Variants in BYSL observed in about 807,000 individuals in gnomAD.
The protein encoded by BYSL is bystin.
In BYSL, 21 loss-of-function variants were observed where a neutral mutation model predicts 45.4. That is an observed-to-expected ratio of 0.46 (90% CI 0.33 to 0.67). The LOEUF is 0.67. Among genes scored for constraint, BYSL ranks in the 30% least tolerant of loss-of-function variants. BYSL has a pLI of 0.02. For synonymous variants in BYSL, 215 were observed against 231.3 expected, an observed-to-expected ratio of 0.93 and a Z score of 0.64; for missense variants, 522 against 578.5, an observed-to-expected ratio of 0.90 and a Z score of 1.00.
intron 2 of BYSL, among the ~76,000 whole-genome samples, chr6:41,927,981 A>G (rs1182854378): frequency 6.6e-6 from 1 of 152,098 alleles, no homozygotes; most frequent in Admixed American, 6.6e-5. Flanking sequence ...TGTCCTGTGC[A>G]GTGTAGGAGG....
chr6:41,916,570 A>T (rs923215846), upstream of BYSL, among the ~76,000 whole-genome samples: 2 of 152,150 alleles, frequency 1.3e-5, no homozygotes, highest in Non-Finnish European at 2.9e-5. Context: ...ACAAGAGCAA[A>T]GCTCCATCTC....
At chr6:41,912,352 CTTTT>C in the BYSL span, among the ~76,000 whole-genome samples, 2 of 87,634 alleles carry the variant, frequency 2.3e-5, no homozygotes, top group African/African-American at 5.5e-5. Flanking sequence ...GACCATAGTA[CTTTT>C]TTTTTTTTTT....
At chr6:41,916,219 C>A in the BYSL span, among the ~76,000 whole-genome samples, 1 of 151,790 alleles carries the variant, frequency 6.6e-6, no homozygotes, top group African/African-American at 2.4e-5. Context: ...CCACTGCACT[C>A]CAGCCTGGGA....
the BYSL span, among the ~76,000 whole-genome samples, chr6:41,915,095 C>CTGAGAAACACTGCTT: frequency 1.3e-5 from 2 of 152,272 alleles, no homozygotes; most frequent in African/African-American, 4.8e-5. Context: ...GTGATTAACC[C>CTGAGAAACACTGCTT]TGAGAAACAC....
At chr6:41,921,012 C>A, upstream of BYSL, 1 of 1,613,314 alleles carries the variant, frequency 6.2e-7, no homozygotes, top group Non-Finnish European at 8.5e-7. Context: ...TACCAAGTCA[C>A]TCCCATGGCG....
At chr6:41,922,508 A>AT (rs1468833566) in intron 1 of BYSL, among the ~76,000 whole-genome samples, 3 of 152,224 alleles carry the variant, frequency 2.0e-5, no homozygotes, top group Non-Finnish European at 2.9e-5. Flanking sequence ...ACACAATTGA[A>AT]TAGTGGCCTT....
intron 1 of BYSL, among the ~76,000 whole-genome samples, chr6:41,925,454 C>T (rs1478162929): frequency 1.3e-5 from 2 of 151,664 alleles, no homozygotes; most frequent in Non-Finnish European, 2.9e-5. Flanking sequence ...AGCTCCGCCT[C>T]CCGGGTTCAC....
rs758843963 is a variant in BYSL, at chr6:41,927,545, G to A, written c.431+9G>A. ...AAGAACCCTCCTGCCAGGTAGGCCT[G>A]GGGATTTGGGATAATGAGTCCTTGT... On this transcript the variant is annotated intron_variant, in intron 2 of 6. Transcript: ENST00000230340. The A allele has an allele frequency of 3.1e-6, 5 of 1,613,150 alleles. No homozygotes were observed. In the South Asian group the frequency reaches 3.3e-5, roughly 11 times the overall value.
At position 41,931,362 on chromosome 6, in the gene BYSL, G is replaced by T. The variant is rs1244160653; in HGVS notation, c.705-34G>T. ...ATGGGCCGGGTCCAGACTGTCGTGTGAGTTGGAAACTTCCCCCGCTTAACT... is the reference window on the plus strand; with the variant it reads ...ATGGGCCGGGTCCAGACTGTCGTGTTAGTTGGAAACTTCCCCCGCTTAACT... On this transcript the variant is annotated intron_variant, in intron 4 of 6. Coordinates refer to ENST00000230340, the MANE Select transcript of BYSL (RefSeq NM_004053.4). 1.9e-6 allele frequency: 3 copies of T among 1,612,890 alleles called. No individual in the cohort carries two copies. In the East Asian group the frequency reaches 6.7e-5, roughly 36 times the overall value.
upstream of BYSL, chr6:41,921,424 G>A (rs1775463832): frequency 5.6e-6 from 7 of 1,244,630 alleles, no homozygotes; most frequent in South Asian, 1.1e-4. Flanking sequence ...GGCGCTGATG[G>A]CGCTTCTGGC....
chr6:41,916,654 C>T (rs1000135353), upstream of BYSL: 13 of 1,095,140 alleles, frequency 1.2e-5, no homozygotes, highest in African/African-American at 7.9e-5. Flanking sequence ...GAATTAATGA[C>T]GTCAAAAACA....
At chr6:41,910,628 T>C in the BYSL span, among the ~76,000 whole-genome samples, 4 of 132,268 alleles carry the variant, frequency 3.0e-5, no homozygotes, top group Non-Finnish European at 4.9e-5. Context: ...CAATACTCTA[T>C]CTCCAAAAAA....
chr6:41,911,222 C>T, the BYSL span, among the ~76,000 whole-genome samples: 1 of 150,378 alleles, frequency 6.6e-6, no homozygotes, highest in Non-Finnish European at 1.5e-5. Flanking sequence ...GCAATCTTGG[C>T]TCACTGCAAC....
Position 41,927,455 on chromosome 6 carries a change from C to T in BYSL, c.350C>T (p.Ala117Val), listed in dbSNP as rs36124188. Residue 117 changes from alanine (A) to valine (V), a missense_variant, in exon 2 of 7, where the codon GCG (alanine) becomes GTG (valine). Ala to Val is a moderately conservative substitution (Grantham distance 64). Transcript: ENST00000230340. ...GAGAAGGCTGCCACAATGACAGCAG[C>T]GGGCCATCATGCAGAGGTGGTTGTG... ...TLEKAATMTAAGHHAEVVVDP... is the reference protein window; with the variant it reads ...TLEKAATMTAVGHHAEVVVDP... 4,569 of 1,614,100 alleles carry T rather than the reference C, an allele frequency of 2.8e-3. 106 individuals carry two copies. The African/African-American group carries it at 0.053, about 19-fold the overall frequency.
chr6:41,930,251 T>C lies in BYSL; in HGVS notation c.551T>C (p.Val184Ala). The C allele has an allele frequency of 1.2e-6, 2 of 1,614,004 alleles. No individual in the cohort carries two copies. Among genetic ancestry groups the C allele is most frequent in the Non-Finnish European group, 1.7e-6 (2 of 1,179,958 alleles). The change falls in exon 3 of 7, where the codon GTG becomes GCG. Residue 184 changes from valine to alanine, a missense_variant. Physicochemically the swap from Val to Ala is moderately conservative, Grantham distance 64 (BLOSUM62 0). Coordinates refer to ENST00000230340, the MANE Select transcript of BYSL (RefSeq NM_004053.4). Reference sequence around the variant, plus strand: ...CAGCTGGACCCCCGGGTCCTAGAAGTGTACAGGGGGGTCCGGGAGGTAAGA... The same window carrying C: ...CAGCTGGACCCCCGGGTCCTAGAAGCGTACAGGGGGGTCCGGGAGGTAAGA... Reference protein sequence around the residue: ...MPQLDPRVLEVYRGVREVLSK... With the variant: ...MPQLDPRVLEAYRGVREVLSK...
At chr6:41,915,587 A>G in the BYSL span, among the ~76,000 whole-genome samples, 4 of 152,184 alleles carry the variant, frequency 2.6e-5, no homozygotes, top group Non-Finnish European at 5.9e-5. Context: ...GGAGATCAAG[A>G]CCATCCTGGC....
chr6:41,910,030 T>G, the BYSL span, among the ~76,000 whole-genome samples: 2 of 151,762 alleles, frequency 1.3e-5, no homozygotes, highest in African/African-American at 4.8e-5. Context: ...CAAAGGGGAG[T>G]GTCTGAGCAT....
chr6:41,909,042 T>C, the BYSL span: 9 of 525,896 alleles, frequency 1.7e-5, 1 homozygote, highest in Admixed American at 2.4e-4. Flanking sequence ...AAAATTTAAT[T>C]CGGTGGGTGT....
At chr6:41,916,989 T>C (rs753409662), upstream of BYSL, 2 of 1,601,558 alleles carry the variant, frequency 1.2e-6, no homozygotes, top group Non-Finnish European at 1.7e-6. Flanking sequence ...ACACGTGTGC[T>C]CACTGAGCCA....
Sources: allele counts gnomAD v4.1 joint callset (sites outside exome capture counted in the v4.1 genomes callset), GRCh38; gene constraint gnomAD v4.1.1; transcripts MANE v1.5; gene names NCBI Gene and HGNC (gene_info 2026-07-23, HGNC 2026-07-21).